The following TRAPPC10 variants were observed in gnomAD, a reference collection of about 807,000 sequenced individuals.
The protein encoded by TRAPPC10 is TRAPP 130 kDa subunit.
TRAPPC10 carries 23 observed loss-of-function variants against 125.5 expected under a neutral mutation model. The ratio of observed to expected loss-of-function variants is 0.18; its 90% CI spans 0.13 to 0.26. The LOEUF is 0.26. TRAPPC10 is among the 10% of genes least tolerant of loss of function. TRAPPC10 has a pLI of 1.00. For synonymous variants in TRAPPC10, 509 were observed against 518.0 expected (o/e 0.98, Z 0.24); for missense variants, 1,123 against 1,308.4 (o/e 0.86, Z 2.19).
At chr21:44,062,008 A>G (rs148939871) in intron 6 of TRAPPC10, among the ~76,000 whole-genome samples, 2 of 152,352 alleles carry the variant, frequency 1.3e-5, no homozygotes, top group East Asian at 3.9e-4. Flanking sequence ...TAAAGACCAT[A>G]TGGTCCCTGG....
In TRAPPC10 at chr21:44,028,068, G is replaced by A. The variant is rs990678347; in HGVS notation, c.68-4023G>A. Among the ~76,000 whole-genome samples, 27 of 152,304 alleles carry A rather than the reference G, an allele frequency of 1.8e-4. 1 individual carries two copies. The highest frequency in any genetic ancestry group is 5.8e-4 in the African/African-American group (24 of 41,556). The stretch of plus-strand genomic sequence containing the variant: ...ATGTTACCTGTTACACTAAATCACT[G>A]AAGTCATCTTTTTGAATTCTTTCCC... On this transcript the variant is annotated intron_variant, in intron 1 of 22. Transcript: ENST00000291574.
chr21:44,032,082 C>T lies in TRAPPC10; in HGVS notation c.68-9C>T. 4 of 1,606,668 alleles carry T rather than the reference C, an allele frequency of 2.5e-6. No homozygotes were observed. The highest frequency in any genetic ancestry group is 3.4e-6 in the Non-Finnish European group (4 of 1,176,702). ...ATATGGTAACTGAATTTCTTTCTTC[C>T]CTTCATAGGTGCTGGAGATCAGAAT... On this transcript the variant is annotated splice_polypyrimidine_tract_variant and intron_variant, in intron 1 of 22. Coordinates refer to ENST00000291574, the MANE Select transcript of TRAPPC10 (RefSeq NM_003274.5).
intron 7 of TRAPPC10, among the ~76,000 whole-genome samples, chr21:44,070,121 G>A (rs565835045): frequency 6.6e-6 from 1 of 152,280 alleles, no homozygotes; most frequent in East Asian, 1.9e-4. Context: ...AGCGGGAGCT[G>A]CCTTCACGGG....
In TRAPPC10 at chr21:44,087,977, G is replaced by A. The variant is rs371018795; in HGVS notation, c.2769+49G>A. 21 of 1,516,660 alleles carry A rather than the reference G, an allele frequency of 1.4e-5. 1 individual carries two copies. The African/African-American group carries it at 2.6e-4, about 19-fold the overall frequency. The allele number at this position is 1,516,660 out of a possible 1,614,324, so 94.0% of individuals were successfully genotyped here. A position where few individuals can be genotyped will look rare whatever the true frequency, so the allele number is the denominator to read the frequency against. The stretch of plus-strand genomic sequence containing the variant: ...TTAGCTTGTGGGGCGTCCGCCGCCC[G>A]CCTGCCTGCTGGGAAAGGCGATGTA... On this transcript the variant is annotated intron_variant, in intron 17 of 22. Transcript: ENST00000291574. The surrounding 1 kb of genome is among the most constrained non-coding windows in gnomAD (Gnocchi z 4.6).
Position 44,080,009 on chromosome 21 carries a change from C to A in TRAPPC10, c.1611-6C>A. 6.2e-7 allele frequency: 1 copy of A among 1,613,482 alleles called. No individual in the cohort carries two copies. The highest frequency in any genetic ancestry group is 2.2e-5 in the East Asian group (1 of 44,882). The stretch of plus-strand genomic sequence containing the variant: ...CCTCTCCACGCTCCTTACCTCTCCG[C>A]TCCAGCTACCTGCAGACCAGCAGCC... On this transcript the variant is annotated splice_polypyrimidine_tract_variant and splice_region_variant and intron_variant, in intron 12 of 22. Transcript: ENST00000291574.
intron 20 of TRAPPC10, among the ~76,000 whole-genome samples, chr21:44,095,942 A>G (rs12627239): frequency 0.32 from 43,502 of 136,402 alleles, 9,505 homozygotes; most frequent in African/African-American, 0.63. Flanking sequence ...TCTGGGTCAT[A>G]GGGTAACTCT....
At chr21:44,046,895 G>C in intron 3 of TRAPPC10, 1 of 824,356 alleles carries the variant, frequency 1.2e-6, no homozygotes, top group Non-Finnish European at 2.1e-6. Context: ...CACAGCGGCA[G>C]TCGCGCCCAC....
intron 2 of TRAPPC10, among the ~76,000 whole-genome samples, chr21:44,035,233 T>C (rs1260363921): frequency 6.6e-6 from 1 of 152,218 alleles, no homozygotes; most frequent in Admixed American, 6.5e-5. Context: ...TCTCTGGCTC[T>C]TGCCCTGTCA....
chr21:44,072,289 T>A (rs1429760635), intron 7 of TRAPPC10, among the ~76,000 whole-genome samples: 1 of 152,232 alleles, frequency 6.6e-6, no homozygotes, highest in African/African-American at 2.4e-5. Flanking sequence ...GTTCAGCGCC[T>A]GGTCGCGGAG....
At chr21:44,085,929 G>A (rs2038094470) in intron 15 of TRAPPC10, among the ~76,000 whole-genome samples, 1 of 152,254 alleles carries the variant, frequency 6.6e-6, no homozygotes, top group African/African-American at 2.4e-5. Context: ...TTTCTTCTAC[G>A]TGGAAAAAAA....
chr21:44,051,059 A>G (rs1164706440), intron 3 of TRAPPC10, among the ~76,000 whole-genome samples: 1 of 152,170 alleles, frequency 6.6e-6, no homozygotes, highest in Non-Finnish European at 1.5e-5. Flanking sequence ...GCACACCGCC[A>G]TGCCCGGCTA....
intron 3 of TRAPPC10, among the ~76,000 whole-genome samples, chr21:44,038,274 G>A (rs1459797522): frequency 6.6e-6 from 1 of 152,182 alleles, no homozygotes; most frequent in Non-Finnish European, 1.5e-5. Context: ...GCGTGGTCGT[G>A]TTCCCATGTC....
intron 5 of TRAPPC10, among the ~76,000 whole-genome samples, chr21:44,058,131 C>G (rs1426691355): frequency 6.6e-6 from 1 of 152,150 alleles, no homozygotes; most frequent in African/African-American, 2.4e-5. Context: ...GACGCATATG[C>G]TAGGGCGAGA....
intron 1 of TRAPPC10, among the ~76,000 whole-genome samples, chr21:44,023,267 C>T (rs1025164173): frequency 5.9e-5 from 9 of 151,514 alleles, no homozygotes; most frequent in Middle Eastern, 6.3e-3. Flanking sequence ...CTCCTGACCT[C>T]GTCGTGATCC....
At chr21:44,054,249 T>C (rs2145849392) in intron 4 of TRAPPC10, among the ~76,000 whole-genome samples, 1 of 152,242 alleles carries the variant, frequency 6.6e-6, no homozygotes, top group East Asian at 1.9e-4. Context: ...AAGTGTGCAG[T>C]GGGGTGGATT....
Position 44,074,380 on chromosome 21 carries a change from G to A in TRAPPC10, c.1095G>A (p.Val365=), listed in dbSNP as rs867900349. ...DCWVFLSCLE[V]LQRIEGCCDR... ...GGGTGTTTCTGAGCTGTCTGGAGGT[G>A]TTGCAGAGGATAGAAGGCTGCTGTG... The change falls in exon 8 of 23, where the codon GTG becomes GTA. Residue 365 remains valine (V), a synonymous_variant. Transcript: ENST00000291574. The A allele has an allele frequency of 6.2e-7, 1 of 1,614,234 alleles. No individual in the cohort carries two copies. Among genetic ancestry groups the A allele is most frequent in the Non-Finnish European group, 8.5e-7 (1 of 1,180,044 alleles).
At chr21:44,035,664 C>T (rs1569153428) in intron 2 of TRAPPC10, among the ~76,000 whole-genome samples, 1 of 152,160 alleles carries the variant, frequency 6.6e-6, no homozygotes, top group Non-Finnish European at 1.5e-5. Context: ...GTAATCCCAA[C>T]TACCCGGGAG....
At chr21:44,079,191 C>G (rs961840812) in intron 11 of TRAPPC10, among the ~76,000 whole-genome samples, 1 of 152,168 alleles carries the variant, frequency 6.6e-6, no homozygotes, top group Non-Finnish European at 1.5e-5. Context: ...TGTGGACAAG[C>G]CCTTCCTTCA....
Position 44,083,312 on chromosome 21 carries a change from C to G in TRAPPC10, c.2238+10C>G. The G allele has an allele frequency of 6.2e-7, 1 of 1,609,336 alleles. No individual in the cohort carries two copies. Among genetic ancestry groups the G allele is most frequent in the Non-Finnish European group, 8.5e-7 (1 of 1,177,138 alleles). On this transcript the variant is annotated intron_variant, in intron 14 of 22. Transcript: ENST00000291574. ...AACATTCAGGACTCAGGTATGCGTT[C>G]AGGGTGGGAACTTGACTTTCAAGTT...
Sources: gnomAD v4.1 joint callset for allele counts (sites outside exome capture counted in the v4.1 genomes callset) on GRCh38, gnomAD v4.1.1 for gene constraint, Gnocchi (gnomAD v3.1) non-coding constraint, MANE v1.5 for transcripts, NCBI Gene and HGNC (gene_info 2026-07-23, HGNC 2026-07-21) for gene names.